The following CDK14 variants were observed in gnomAD, a reference collection of about 807,000 sequenced individuals.
The protein encoded by CDK14 is cyclin-dependent kinase 14.
In CDK14, 34 loss-of-function variants were observed where a neutral mutation model predicts 60.7. The observed-to-expected ratio is 0.56, with a 90% CI of 0.43 to 0.75. The LOEUF is 0.75. CDK14 is among the 30% of genes least tolerant of loss of function. CDK14 has a pLI of 0.00. For synonymous variants in CDK14, 197 were observed against 203.7 expected, an observed-to-expected ratio of 0.97 and a Z score of 0.28; for missense variants, 482 against 564.1, an observed-to-expected ratio of 0.85 and a Z score of 1.47.
chr7:91,065,506 C>A (rs554312437), intron 11 of CDK14, among the ~76,000 whole-genome samples: 8 of 152,312 alleles, frequency 5.3e-5, no homozygotes, highest in East Asian at 3.9e-4. Flanking sequence ...TTGAGGTCAA[C>A]TCTTTTCTGC....
chr7:90,736,985 A>G (rs962719513), intron 3 of CDK14, among the ~76,000 whole-genome samples: 2 of 152,210 alleles, frequency 1.3e-5, no homozygotes, highest in Admixed American at 6.5e-5. Context: ...AATATAAAGA[A>G]TGAGGTTTTA....
intron 14 of CDK14, among the ~76,000 whole-genome samples, chr7:91,175,517 T>C (rs1194090147): frequency 2.0e-5 from 3 of 152,060 alleles, no homozygotes; most frequent in African/African-American, 7.3e-5. Flanking sequence ...GACTGGCAAA[T>C]TGAATAAAGA....
chr7:90,648,378 T>C (rs17869677), intron 2 of CDK14, among the ~76,000 whole-genome samples: 2,363 of 152,196 alleles, frequency 0.016, 90 homozygotes, highest in African/African-American at 0.052. Flanking sequence ...AAGGGCAAAA[T>C]AGAAGCCCTT....
At chr7:90,636,225 G>A (rs538147647) in intron 2 of CDK14, among the ~76,000 whole-genome samples, 1 of 152,192 alleles carries the variant, frequency 6.6e-6, no homozygotes, top group East Asian at 1.9e-4. Context: ...TTTTCAAATG[G>A]AATGGTTCCA....
At chr7:91,018,498 T>G (rs1479927989) in intron 10 of CDK14, among the ~76,000 whole-genome samples, 14 of 152,128 alleles carry the variant, frequency 9.2e-5, no homozygotes, top group Admixed American at 9.2e-4. Context: ...CTACACATGG[T>G]AGAAGGGGAA....
chr7:90,814,322 A>T (rs566339856), intron 5 of CDK14, among the ~76,000 whole-genome samples: 1 of 152,264 alleles, frequency 6.6e-6, no homozygotes, highest in Admixed American at 6.5e-5. Context: ...TCTCTTGTTG[A>T]TGCTATCCAG....
intron 14 of CDK14, among the ~76,000 whole-genome samples, chr7:91,125,730 A>G (rs1282224205): frequency 6.6e-6 from 1 of 152,184 alleles, no homozygotes; most frequent in African/African-American, 2.4e-5. Flanking sequence ...CTCATTATAA[A>G]AATAACCCTG....
At chr7:91,069,758 G>A (rs705353) in intron 11 of CDK14, among the ~76,000 whole-genome samples, 120,622 of 152,118 alleles carry the variant, frequency 0.79, 48,167 homozygotes, top group East Asian at 0.93. Flanking sequence ...ATTTTAATAG[G>A]ACACAATCAG....
intron 12 of CDK14, among the ~76,000 whole-genome samples, chr7:91,105,075 C>T (rs1799248434): frequency 6.6e-6 from 1 of 152,126 alleles, no homozygotes; most frequent in African/African-American, 2.4e-5. Flanking sequence ...ATACAATACA[C>T]CAAGCACGTG....
chr7:90,820,791 G>C (rs1333838842), intron 5 of CDK14, among the ~76,000 whole-genome samples: 1 of 152,250 alleles, frequency 6.6e-6, no homozygotes, highest in East Asian at 1.9e-4. Flanking sequence ...TATAACTCTA[G>C]TTGCATCTGG....
intron 5 of CDK14, among the ~76,000 whole-genome samples, chr7:90,805,888 A>C (rs1410843902): frequency 6.6e-6 from 1 of 152,210 alleles, no homozygotes; most frequent in Non-Finnish European, 1.5e-5. Context: ...ACTTAATTTC[A>C]GAAACTTTGT....
rs1408956904 is a variant in CDK14, at chr7:90,711,882, A to ACTTT, written c.124-14685_124-14684insCTTT. On this transcript the variant is annotated intron_variant, in intron 2 of 14. Transcript: ENST00000380050. ...GTTCTTATGGAACTTATAGTCTACT[A>ACTTT]TGTTTTTTTTTTTTTTTTTCAATTG... Among the ~76,000 whole-genome samples, 4 of 110,820 alleles carry ACTTT rather than the reference A, an allele frequency of 3.6e-5. 2 individuals are homozygous for ACTTT. Among genetic ancestry groups the ACTTT allele is most frequent in the Non-Finnish European group, 7.3e-5 (4 of 54,884 alleles). 72.7% of individuals were successfully genotyped at this position (110,820 alleles called of 152,430 possible).
intron 14 of CDK14, among the ~76,000 whole-genome samples, chr7:91,158,699 G>T (rs1450462163): frequency 6.6e-6 from 1 of 152,184 alleles, no homozygotes; most frequent in Non-Finnish European, 1.5e-5. Flanking sequence ...GACTGTGAGA[G>T]GTTGTTCTAA....
At chr7:91,164,703 C>T (rs565654199) in intron 14 of CDK14, among the ~76,000 whole-genome samples, 52 of 152,280 alleles carry the variant, frequency 3.4e-4, no homozygotes, top group South Asian at 3.3e-3. Flanking sequence ...AGTGGAAAGC[C>T]CTTCCAGTGT....
chr7:90,777,812 T>TAA (rs202192943), intron 4 of CDK14, among the ~76,000 whole-genome samples: 3 of 152,086 alleles, frequency 2.0e-5, no homozygotes, highest in Non-Finnish European at 4.4e-5. Context: ...CTATCCAAAG[T>TAA]AAAAAAACTC....
At chr7:90,896,970 G>C (rs1562818622) in intron 6 of CDK14, among the ~76,000 whole-genome samples, 1 of 152,112 alleles carries the variant, frequency 6.6e-6, no homozygotes, top group Non-Finnish European at 1.5e-5. Context: ...TATTGGGCAT[G>C]CTATTTAATT....
intron 12 of CDK14, among the ~76,000 whole-genome samples, chr7:91,082,944 C>T (rs764452712): frequency 6.6e-6 from 1 of 152,060 alleles, no homozygotes; most frequent in African/African-American, 2.4e-5. Context: ...TGTTCTAAGT[C>T]GATCTAAAAT....
intron 8 of CDK14, among the ~76,000 whole-genome samples, chr7:90,950,685 T>C (rs1794231910): frequency 6.6e-6 from 1 of 152,148 alleles, no homozygotes; most frequent in Admixed American, 6.5e-5. Flanking sequence ...AAATGTTCAA[T>C]TGAGATACCT....
At chr7:90,873,398 AACTTC>A (rs1791442364) in intron 6 of CDK14, among the ~76,000 whole-genome samples, 1 of 152,240 alleles carries the variant, frequency 6.6e-6, no homozygotes, top group South Asian at 2.1e-4. Flanking sequence ...TGGTGGCTAT[AACTTC>A]ACAAATTTTT....
Sources: gnomAD v4.1 joint callset for allele counts (sites outside exome capture counted in the v4.1 genomes callset) on GRCh38, gnomAD v4.1.1 for gene constraint, MANE v1.5 for transcripts, NCBI Gene and HGNC (gene_info 2026-07-23, HGNC 2026-07-21) for gene names.